DLGAP2: variants seen among roughly 807,000 people sequenced by gnomAD.
DLGAP2 encodes DLG associated protein 2.
A neutral mutation model predicts 100.3 loss-of-function variants in DLGAP2; 26 were observed. The observed-to-expected ratio is 0.26, with a 90% CI of 0.19 to 0.36. The LOEUF (loss-of-function observed/expected upper bound fraction) is 0.36. Among genes scored for constraint, DLGAP2 ranks in the 10% least tolerant of loss-of-function variants. The pLI, the probability that DLGAP2 is intolerant of heterozygous loss-of-function variation, is 1.00. For missense variants in DLGAP2, 1,858 were observed against 1,453.2 expected, an observed-to-expected ratio of 1.28 and a Z score of -4.53; for synonymous variants, 886 against 630.1, an observed-to-expected ratio of 1.41 and a Z score of -6.08.
chr8:1,263,676 C>T (rs1161929489), intron 3 of DLGAP2, among the ~76,000 whole-genome samples: 2 of 151,930 alleles, frequency 1.3e-5, no homozygotes, highest in African/African-American at 2.4e-5. Context: ...ATTTTAAGAC[C>T]TCTTAACAAT....
intron 3 of DLGAP2, among the ~76,000 whole-genome samples, chr8:1,392,276 CGAGGCGCAGTCCAGATCCTGGGTT>C (rs1371976547): frequency 2.0e-5 from 3 of 152,068 alleles, no homozygotes; most frequent in Admixed American, 6.5e-5. Context: ...GATCCCAGGT[CGAGGCGCAGTCCAGATCCTGGGTT>C]GAGGCGCCAT....
In DLGAP2 at chr8:1,371,144, G is replaced by A. The variant is rs553682786; in HGVS notation, c.106+112261G>A. The stretch of plus-strand genomic sequence containing the variant: ...TCCCAGATGCATGTGTCAGCTCCTC[G>A]AGGAAGAGAGTAAGACACGTCTTTC... On this transcript the variant is annotated intron_variant, in intron 3 of 14. Transcript: ENST00000637795. 5.3e-5 allele frequency among the ~76,000 whole-genome samples: 8 copies of A among 152,330 alleles called. No homozygotes were observed. In the East Asian group the frequency reaches 7.7e-4, roughly 15 times the overall value.
intron 2 of DLGAP2, among the ~76,000 whole-genome samples, chr8:937,084 T>C (rs965841995): frequency 1.3e-5 from 2 of 152,210 alleles, no homozygotes; most frequent in Non-Finnish European, 2.9e-5. Flanking sequence ...TCTACAGACA[T>C]GTGGTGCCCT....
intron 1 of DLGAP2, among the ~76,000 whole-genome samples, chr8:806,611 C>G: frequency 6.6e-6 from 1 of 152,204 alleles, no homozygotes; most frequent in East Asian, 1.9e-4. Context: ...GGCTTCCTTG[C>G]TCGGCTGCTC....
intron 7 of DLGAP2, among the ~76,000 whole-genome samples, chr8:1,630,994 G>T (rs577768336): frequency 6.7e-6 from 1 of 149,200 alleles, no homozygotes; most frequent in South Asian, 2.2e-4. Flanking sequence ...CGGGTGTCCC[G>T]AGGGTCTCGG....
At chr8:1,522,301 T>A (rs1291185511) in intron 4 of DLGAP2, among the ~76,000 whole-genome samples, 1 of 152,248 alleles carries the variant, frequency 6.6e-6, no homozygotes, top group Non-Finnish European at 1.5e-5. Context: ...AAGCTGTGTC[T>A]TCTGTGTTGA....
chr8:1,202,373 G>A (rs1043377519), intron 2 of DLGAP2, among the ~76,000 whole-genome samples: 1 of 151,994 alleles, frequency 6.6e-6, no homozygotes, highest in Non-Finnish European at 1.5e-5. Flanking sequence ...CACCTGTTGT[G>A]CTGTGCAGTG....
intron 2 of DLGAP2, among the ~76,000 whole-genome samples, chr8:1,199,645 GC>G (rs1797827307): frequency 1.3e-5 from 2 of 152,136 alleles, no homozygotes; most frequent in Non-Finnish European, 2.9e-5. Context: ...GAAAGTGAAT[GC>G]TGTCCTTTTA....
intron 3 of DLGAP2, among the ~76,000 whole-genome samples, chr8:1,324,002 T>C (rs959178955): frequency 6.6e-6 from 1 of 152,220 alleles, no homozygotes; most frequent in East Asian, 1.9e-4. Context: ...GCTGTTTCTT[T>C]ACACCAGATT....
intron 8 of DLGAP2, among the ~76,000 whole-genome samples, chr8:1,640,086 G>A (rs536980282): frequency 9.2e-5 from 14 of 152,360 alleles, no homozygotes; most frequent in African/African-American, 3.4e-4. Flanking sequence ...GTGCATGAAT[G>A]AATGAGGTCT....
intron 8 of DLGAP2, among the ~76,000 whole-genome samples, chr8:1,634,760 T>C (rs137942184): frequency 4.4e-4 from 67 of 152,332 alleles, no homozygotes; most frequent in Non-Finnish European, 9.3e-4. Context: ...AAAAGGACTT[T>C]ATTGTTTTTA....
intron 3 of DLGAP2, among the ~76,000 whole-genome samples, chr8:1,355,824 C>T (rs1585293558): frequency 6.6e-6 from 1 of 152,188 alleles, no homozygotes; most frequent in Non-Finnish European, 1.5e-5. Context: ...CTGGCCATGC[C>T]CACCAGCCAG....
At chr8:1,656,095 G>A (rs573835443) in intron 8 of DLGAP2, among the ~76,000 whole-genome samples, 3 of 152,160 alleles carry the variant, frequency 2.0e-5, no homozygotes, top group Non-Finnish European at 2.9e-5. Flanking sequence ...AGGCCAAGGC[G>A]GGCAGATCAC....
intron 2 of DLGAP2, among the ~76,000 whole-genome samples, chr8:917,407 T>G (rs1391206004): frequency 6.6e-6 from 1 of 151,916 alleles, no homozygotes; most frequent in South Asian, 2.1e-4. Flanking sequence ...CCCAGCTAAT[T>G]TTTGAATTTT....
intron 1 of DLGAP2, among the ~76,000 whole-genome samples, chr8:896,400 T>C (rs1798142541): frequency 7.5e-6 from 1 of 132,550 alleles, no homozygotes; most frequent in Admixed American, 7.8e-5. Context: ...GCTGCCGGGA[T>C]GGTGTGACAC....
chr8:1,370,669 C>T (rs1022772454), intron 3 of DLGAP2, among the ~76,000 whole-genome samples: 1 of 152,234 alleles, frequency 6.6e-6, no homozygotes, highest in Non-Finnish European at 1.5e-5. Flanking sequence ...CATCTGAAGG[C>T]ACCTGTTCCT....
intron 3 of DLGAP2, among the ~76,000 whole-genome samples, chr8:1,345,874 G>A (rs960554512): frequency 6.6e-6 from 1 of 152,208 alleles, no homozygotes; most frequent in African/African-American, 2.4e-5. Context: ...ATCGCTAGTG[G>A]TTGCCCTATA....
In DLGAP2 at chr8:1,275,098, G is replaced by C. The variant is rs369149371; in HGVS notation, c.106+16215G>C. 6.2e-4 allele frequency among the ~76,000 whole-genome samples: 95 copies of C among 152,272 alleles called. 1 individual carries two copies. Among genetic ancestry groups the C allele is most frequent in the African/African-American group, 2.1e-3 (88 of 41,564 alleles). Reference sequence around the variant, plus strand: ...AGGCAGAGAGGATCCCTGAGGACCTGCAATTTAATTTCGAGCACTGGCTCA... The same window carrying C: ...AGGCAGAGAGGATCCCTGAGGACCTCCAATTTAATTTCGAGCACTGGCTCA... On this transcript the variant is annotated intron_variant, in intron 3 of 14. Transcript: ENST00000637795.
chr8:1,678,496 G>A lies in DLGAP2; in HGVS notation c.2571G>A (p.Glu857=). The change falls in exon 12 of 15, where the codon GAG becomes GAA. Residue 857 remains glutamate (E), a synonymous_variant. Transcript: ENST00000637795. The stretch of plus-strand genomic sequence containing the variant: ...TGGAGCCCGCCATCGACACGGTAGA[G>A]ACTGGGAGGATGTCTCCGTGCCGCA... ...PWLEPAIDTV[E]TGRMSPCRRD... The A allele has an allele frequency of 6.2e-7, 1 of 1,612,564 alleles. No homozygotes were observed. Among genetic ancestry groups the A allele is most frequent in the Non-Finnish European group, 8.5e-7 (1 of 1,179,328 alleles).
Sources: allele counts gnomAD v4.1 joint callset (sites outside exome capture counted in the v4.1 genomes callset), GRCh38; gene constraint gnomAD v4.1.1; transcripts MANE v1.5; gene names NCBI Gene and HGNC (gene_info 2026-07-23, HGNC 2026-07-21).